Variants in KCNMA1 observed in about 807,000 individuals in gnomAD.
The protein encoded by KCNMA1 is potassium calcium-activated channel subfamily M alpha 1.
In KCNMA1, 29 loss-of-function variants were observed where a neutral mutation model predicts 140.0. The ratio of observed to expected loss-of-function variants is 0.21; its 90% CI spans 0.15 to 0.28. The LOEUF (loss-of-function observed/expected upper bound fraction) is 0.28, where lower values mean the gene tolerates loss of function less well. Ranked by LOEUF, KCNMA1 falls within the 10% of genes least tolerant of loss-of-function variation. The pLI is 1.00. For missense variants in KCNMA1, 880 were observed against 1,602.2 expected (o/e 0.55, Z 7.70); for synonymous variants, 612 against 611.9 (o/e 1.00, Z 0.00).
In KCNMA1 at chr10:77,299,068, T is replaced by A. The variant is rs552934816; in HGVS notation, c.541-47812A>T. The stretch of plus-strand genomic sequence containing the variant: ...TGGTTTCATAGTAGTTCAGTCGTAC[T>A]GCACAGGTGAGCTAGGGGGCTTTCT... On this transcript the variant is annotated intron_variant, in intron 2 of 27. Coordinates refer to ENST00000286628, the MANE Select transcript of KCNMA1 (RefSeq NM_001161352.2). Among the ~76,000 whole-genome samples the A allele has an allele frequency of 7.9e-4, 120 of 152,366 alleles. 3 individuals carry two copies. In the South Asian group the frequency reaches 0.024, roughly 30 times the overall value.
Position 76,879,853 on chromosome 10 carries a change from G to A in KCNMA1, c.3428-1963C>T, listed in dbSNP as rs563827882. 9.8e-5 allele frequency among the ~76,000 whole-genome samples: 15 copies of A among 152,308 alleles called. No individual in the cohort carries two copies. In the South Asian group the frequency reaches 2.7e-3, roughly 27 times the overall value. On this transcript the variant is annotated intron_variant, in intron 29 of 29. Transcript: ENST00000372403. The stretch of plus-strand genomic sequence containing the variant: ...TTTCAGAGAGGAGTAAAGTGTGATG[G>A]TTATCATGTTTTAAAAGCTTTGCCA...
chr10:77,034,759 T>C (rs1442060395), intron 15 of KCNMA1, among the ~76,000 whole-genome samples: 1 of 152,206 alleles, frequency 6.6e-6, no homozygotes, highest in Non-Finnish European at 1.5e-5. Flanking sequence ...AACCTGAATT[T>C]TAACTGCTCC....
At chr10:77,519,866 G>A (rs2052210474) in intron 1 of KCNMA1, among the ~76,000 whole-genome samples, 2 of 152,212 alleles carry the variant, frequency 1.3e-5, no homozygotes, top group Non-Finnish European at 1.5e-5. Flanking sequence ...TATGCAGTGT[G>A]AGGGTATACA....
intron 1 of KCNMA1, among the ~76,000 whole-genome samples, chr10:77,628,934 G>C (rs1325536756): frequency 1.3e-5 from 2 of 152,202 alleles, no homozygotes; most frequent in Non-Finnish European, 2.9e-5. Flanking sequence ...GCTTTCCTGT[G>C]AATTCGCTTT....
intron 2 of KCNMA1, among the ~76,000 whole-genome samples, chr10:77,338,428 G>C (rs1310161064): frequency 6.6e-6 from 1 of 152,176 alleles, no homozygotes; most frequent in Non-Finnish European, 1.5e-5. Flanking sequence ...GGATGGCTCT[G>C]CCTCCATCTC....
At chr10:77,443,648 G>A (rs1488533605) in intron 1 of KCNMA1, among the ~76,000 whole-genome samples, 1 of 152,134 alleles carries the variant, frequency 6.6e-6, no homozygotes, top group Admixed American at 6.5e-5. Context: ...CAACTGTGCT[G>A]TTTCCTTTAA....
At chr10:76,901,058 T>C (rs2045108708) in intron 25 of KCNMA1, among the ~76,000 whole-genome samples, 1 of 152,080 alleles carries the variant, frequency 6.6e-6, no homozygotes, top group Non-Finnish European at 1.5e-5. Context: ...TTCTGGAACA[T>C]CCACAGACTG....
intron 2 of KCNMA1, among the ~76,000 whole-genome samples, chr10:77,287,148 T>C (rs2071281346): frequency 6.6e-6 from 1 of 152,196 alleles, no homozygotes; most frequent in South Asian, 2.1e-4. Flanking sequence ...CATTCATGCA[T>C]CAGGGTTTGC....
intron 5 of KCNMA1, among the ~76,000 whole-genome samples, chr10:77,155,122 G>A (rs2154066244): frequency 6.6e-6 from 1 of 152,320 alleles, no homozygotes; most frequent in East Asian, 1.9e-4. Context: ...GGGCCGTAAG[G>A]AGGTCTTGGT....
At chr10:77,328,015 T>C (rs921979388) in intron 2 of KCNMA1, among the ~76,000 whole-genome samples, 13 of 152,064 alleles carry the variant, frequency 8.5e-5, no homozygotes, top group African/African-American at 2.7e-4. Context: ...CTTGTGGGAG[T>C]GCACACAACG....
At chr10:77,006,210 G>A (rs1272158732) in intron 18 of KCNMA1, among the ~76,000 whole-genome samples, 2 of 152,186 alleles carry the variant, frequency 1.3e-5, no homozygotes, top group Non-Finnish European at 2.9e-5. Flanking sequence ...GGACTGAGGG[G>A]CCCAGGTGGA....
chr10:76,913,896 G>C, intron 24 of KCNMA1: 2 of 615,898 alleles, frequency 3.2e-6, no homozygotes, highest in South Asian at 2.1e-5. Flanking sequence ...GAACAAGACA[G>C]TCGATTCCAA....
chr10:76,990,650 T>G (rs560103596), intron 19 of KCNMA1, among the ~76,000 whole-genome samples: 1 of 152,290 alleles, frequency 6.6e-6, no homozygotes, highest in East Asian at 1.9e-4. Context: ...GCATCTCTCT[T>G]CTCTGCAGGT....
intron 14 of KCNMA1, among the ~76,000 whole-genome samples, chr10:77,056,150 C>A (rs78128375): frequency 8.5e-5 from 13 of 152,128 alleles, no homozygotes; most frequent in Non-Finnish European, 1.8e-4. Context: ...GAAGCCAAGG[C>A]GAGTGGATCA....
chr10:77,118,904 T>A (rs2153934713), intron 6 of KCNMA1, among the ~76,000 whole-genome samples: 1 of 152,306 alleles, frequency 6.6e-6, no homozygotes, highest in Non-Finnish European at 1.5e-5. Context: ...AACCATCTGG[T>A]TATGACCATA....
intron 14 of KCNMA1, among the ~76,000 whole-genome samples, chr10:77,065,158 G>A (rs1300981390): frequency 6.6e-6 from 1 of 152,254 alleles, no homozygotes; most frequent in African/African-American, 2.4e-5. Flanking sequence ...TGAGTCAGGC[G>A]CTGTTCTAGG....
At chr10:77,520,876 C>G (rs1364553549) in intron 1 of KCNMA1, among the ~76,000 whole-genome samples, 1 of 152,188 alleles carries the variant, frequency 6.6e-6, no homozygotes, top group Non-Finnish European at 1.5e-5. Context: ...TGGGTCTTTA[C>G]AGATGAAGCC....
At position 76,885,267 on chromosome 10, in the gene KCNMA1, T is replaced by C. The variant is rs1797237489; in HGVS notation, c.*1999A>G. On this transcript the variant is annotated 3_prime_UTR_variant, in exon 28 of 28. Transcript: ENST00000286628. ...TATATATATAATTATATATAGTTTA[T>C]ATAAAGAGATAGTTATACATAATAT... 1 of 570,812 alleles carries C rather than the reference T, an allele frequency of 1.8e-6. No homozygotes were observed. Among genetic ancestry groups the C allele is most frequent in the Non-Finnish European group, 2.2e-6 (1 of 452,990 alleles). The allele number at this position is 570,812 out of a possible 1,614,324, so 35.4% of individuals were successfully genotyped here. A position where few individuals can be genotyped will look rare whatever the true frequency, so the allele number is the denominator to read the frequency against.
rs576118304 is a variant in KCNMA1, at chr10:77,320,706, TATG to T, written c.541-69453_541-69451del. On this transcript the variant is annotated intron_variant, in intron 2 of 27. Transcript: ENST00000286628. ...AGAACAGCAGACACATTGAACTAAA[TATG>T]ATATGATGTAACTCTAGCCTAGGAG... Among the ~76,000 whole-genome samples, 44 of 152,204 alleles carry T rather than the reference TATG, an allele frequency of 2.9e-4. No homozygotes were observed. In the East Asian group the frequency reaches 8.3e-3, roughly 29 times the overall value.
Sources: gnomAD v4.1 joint callset for allele counts (sites outside exome capture counted in the v4.1 genomes callset) on GRCh38, gnomAD v4.1.1 for gene constraint, MANE v1.5 for transcripts, NCBI Gene and HGNC (gene_info 2026-07-23, HGNC 2026-07-21) for gene names.